Variants in NCKAP5 observed in about 807,000 individuals in gnomAD.
NCKAP5 encodes the protein NCK associated protein 5.
NCKAP5 carries 92 observed loss-of-function variants against 167.0 expected under a neutral mutation model. The observed-to-expected ratio is 0.55, with a 90% CI of 0.47 to 0.66. NCKAP5 has a LOEUF of 0.66. Ranked by LOEUF, NCKAP5 falls within the 30% of genes least tolerant of loss-of-function variation. NCKAP5 has a pLI of 0.00. For synonymous variants in NCKAP5, 891 were observed against 877.4 expected, an observed-to-expected ratio of 1.02 and a Z score of -0.27; for missense variants, 2,378 against 2,315.0, an observed-to-expected ratio of 1.03 and a Z score of -0.56.
At chr2:133,550,505 T>G (rs1372539012) in intron 2 of NCKAP5, among the ~76,000 whole-genome samples, 3 of 149,056 alleles carry the variant, frequency 2.0e-5, no homozygotes, top group African/African-American at 7.4e-5. Flanking sequence ...ACCACAGGAT[T>G]ATCTCAATAG....
At chr2:133,566,239 A>C (rs1688549416) in intron 1 of NCKAP5, among the ~76,000 whole-genome samples, 2 of 152,128 alleles carry the variant, frequency 1.3e-5, no homozygotes, top group South Asian at 4.1e-4. Context: ...CACTGGAGAG[A>C]GGGGCCCAAA....
At chr2:132,770,439 A>G (rs1242496685) in intron 16 of NCKAP5, among the ~76,000 whole-genome samples, 5 of 148,220 alleles carry the variant, frequency 3.4e-5, no homozygotes, top group South Asian at 4.2e-4. Flanking sequence ...TATATAATAT[A>G]TGGTATATAT....
intron 4 of NCKAP5, among the ~76,000 whole-genome samples, chr2:133,222,273 A>T (rs1205182433): frequency 6.6e-6 from 1 of 152,114 alleles, no homozygotes; most frequent in Non-Finnish European, 1.5e-5. Context: ...AAATAGCAAT[A>T]GTAATTATAT....
chr2:133,004,685 T>C (rs1432284637), intron 6 of NCKAP5, among the ~76,000 whole-genome samples: 2 of 152,186 alleles, frequency 1.3e-5, no homozygotes, highest in African/African-American at 2.4e-5. Context: ...GTATTGTCAT[T>C]GATAAACCTC....
chr2:133,387,264 T>C (rs1687050426), intron 3 of NCKAP5, among the ~76,000 whole-genome samples: 1 of 152,206 alleles, frequency 6.6e-6, no homozygotes, highest in Admixed American at 6.5e-5. Context: ...CTCTCAGCAG[T>C]TGCTTGTCTG....
At chr2:133,045,783 C>T (rs1415416862) in intron 6 of NCKAP5, among the ~76,000 whole-genome samples, 1 of 152,124 alleles carries the variant, frequency 6.6e-6, no homozygotes, top group African/African-American at 2.4e-5. Context: ...CTCAAAATAT[C>T]TTATTGCACT....
intron 19 of NCKAP5, chr2:132,715,036 T>C (rs1162913279): frequency 5.4e-6 from 2 of 369,926 alleles, no homozygotes; most frequent in Non-Finnish European, 1.1e-5. Context: ...GTATAGTAAG[T>C]GTATATCTCT....
At chr2:132,889,456 A>G (rs1396218725) in intron 8 of NCKAP5, among the ~76,000 whole-genome samples, 1 of 152,158 alleles carries the variant, frequency 6.6e-6, no homozygotes, top group African/African-American at 2.4e-5. Flanking sequence ...GATAAAATAT[A>G]CAGGGGCCAC....
chr2:133,459,417 G>T (rs538254691), intron 3 of NCKAP5, among the ~76,000 whole-genome samples: 4 of 152,050 alleles, frequency 2.6e-5, no homozygotes, highest in African/African-American at 9.7e-5. Flanking sequence ...TGAGTGTAAG[G>T]TTCTTATAGG....
intron 8 of NCKAP5, among the ~76,000 whole-genome samples, chr2:132,883,712 C>T (rs913893974): frequency 5.9e-5 from 9 of 152,280 alleles, no homozygotes; most frequent in South Asian, 2.1e-4. Flanking sequence ...TGGGCACACA[C>T]GCTGGCAGCA....
chr2:133,569,915 G>A (rs1663439449), upstream of NCKAP5, among the ~76,000 whole-genome samples: 1 of 152,112 alleles, frequency 6.6e-6, no homozygotes, highest in Admixed American at 6.5e-5. Context: ...TACAAGTACA[G>A]ACCCTTAGAC....
In NCKAP5 at chr2:133,281,120, C is replaced by T. The variant is rs1051228298; in HGVS notation, c.143+21917G>A. ...TTGCTGCTGAATATCAGTGACATTC[C>T]GTTTTTAACAGTAAGAATAGAAGTG... On this transcript the variant is annotated intron_variant, in intron 4 of 19. Transcript: ENST00000409261. 3.3e-5 allele frequency among the ~76,000 whole-genome samples: 5 copies of T among 152,186 alleles called. No individual in the cohort carries two copies. In the East Asian group the frequency reaches 7.7e-4, roughly 24 times the overall value.
chr2:132,743,723 T>C (rs1679403879), intron 16 of NCKAP5, among the ~76,000 whole-genome samples: 1 of 151,660 alleles, frequency 6.6e-6, no homozygotes. Flanking sequence ...AACACTCCAA[T>C]GAATAGGCTG....
the NCKAP5 span, among the ~76,000 whole-genome samples, chr2:133,589,474 T>A: frequency 1.3e-5 from 2 of 151,982 alleles, no homozygotes; most frequent in Admixed American, 6.6e-5. Flanking sequence ...TGAGGAGACG[T>A]CCAGGGGGAT....
intron 4 of NCKAP5, among the ~76,000 whole-genome samples, chr2:133,250,093 CA>C (rs1559316508): frequency 1.3e-5 from 2 of 151,164 alleles, no homozygotes; most frequent in African/African-American, 4.9e-5. Flanking sequence ...AATCTGAAAA[CA>C]TCAGGATCCT....
intron 19 of NCKAP5, among the ~76,000 whole-genome samples, chr2:132,675,493 G>A (rs532245960): frequency 1.3e-5 from 2 of 152,240 alleles, no homozygotes; most frequent in African/African-American, 2.4e-5. Context: ...ACAACACCAA[G>A]GAGCTTCCTG....
In NCKAP5 at chr2:132,672,067, C is replaced by G. The variant is rs1683815500; in HGVS notation, c.*1222G>C. The G allele has an allele frequency of 6.6e-6, 1 of 152,540 alleles. No homozygotes were observed. Among genetic ancestry groups the G allele is most frequent in the Non-Finnish European group, 1.5e-5 (1 of 68,016 alleles). The allele number at this position is 152,540 out of a possible 1,614,324, so 9.4% of individuals were successfully genotyped here. On this transcript the variant is annotated 3_prime_UTR_variant, in exon 20 of 20. Transcript: ENST00000409261. ...ATAGTTCACATCTAGAAAAAATACACATAACCTTTAAAATAGAATTTATCC... is the reference window on the plus strand; with the variant it reads ...ATAGTTCACATCTAGAAAAAATACAGATAACCTTTAAAATAGAATTTATCC...
intron 16 of NCKAP5, among the ~76,000 whole-genome samples, chr2:132,768,569 G>T (rs767549606): frequency 4.6e-5 from 7 of 151,910 alleles, no homozygotes; most frequent in Non-Finnish European, 8.8e-5. Flanking sequence ...AGAAAAAAAT[G>T]CAGTTGCTTT....
chr2:133,042,583 A>G (rs2079250964), intron 6 of NCKAP5, among the ~76,000 whole-genome samples: 1 of 152,220 alleles, frequency 6.6e-6, no homozygotes, highest in South Asian at 2.1e-4. Context: ...ATTGCTCTAT[A>G]TTAACATGCC....
Sources: gnomAD v4.1 joint callset for allele counts (sites outside exome capture counted in the v4.1 genomes callset) on GRCh38, gnomAD v4.1.1 for gene constraint, MANE v1.5 for transcripts, NCBI Gene and HGNC (gene_info 2026-07-23, HGNC 2026-07-21) for gene names.